Variants in KIF6 observed in about 807,000 individuals in gnomAD.
KIF6 encodes the protein kinesin family member 6.
In KIF6, 106 loss-of-function variants were observed where a neutral mutation model predicts 112.7. The observed-to-expected ratio is 0.94, with a 90% CI of 0.80 to 1.11. The LOEUF (loss-of-function observed/expected upper bound fraction) is 1.11, where lower values mean the gene tolerates loss of function less well. KIF6 is among the 50% of genes least tolerant of loss of function. The pLI is 0.00. For synonymous variants in KIF6, 339 were observed against 339.9 expected (o/e 1.00, Z 0.03); for missense variants, 929 against 964.0 (o/e 0.96, Z 0.48).
At chr6:39,703,294 G>A (rs562861181) in intron 3 of KIF6, among the ~76,000 whole-genome samples, 10 of 132,448 alleles carry the variant, frequency 7.6e-5, no homozygotes, top group Admixed American at 6.7e-4. Flanking sequence ...AATGCTGGGT[G>A]TGATAAAGCA....
chr6:39,446,636 G>A (rs543951190), intron 13 of KIF6, among the ~76,000 whole-genome samples: 3 of 152,220 alleles, frequency 2.0e-5, no homozygotes, highest in South Asian at 4.1e-4. Flanking sequence ...TGGGACTACA[G>A]GTGCCACCAG....
intron 6 of KIF6, 36 bp from the exon 7 acceptor site, chr6:39,596,296 A>C: frequency 7.3e-7 from 1 of 1,363,798 alleles, no homozygotes; most frequent in Non-Finnish European, 1.0e-6. Context: ...TTATTTGAAC[A>C]ATGAAAATTT....
In KIF6 at chr6:39,444,992, G is replaced by C. The variant is rs562417542; in HGVS notation, c.1646-13831C>G. ...GGAGCCGCATCACCTGAGAGCCCAGGGTCTGGGTTATGGAGCAGGGGAAAG... is the reference window on the plus strand; with the variant it reads ...GGAGCCGCATCACCTGAGAGCCCAGCGTCTGGGTTATGGAGCAGGGGAAAG... On this transcript the variant is annotated intron_variant, in intron 13 of 22. Transcript: ENST00000287152. 7.2e-5 allele frequency among the ~76,000 whole-genome samples: 11 copies of C among 152,280 alleles called. 1 individual carries two copies. The highest frequency in any genetic ancestry group is 2.0e-4 in the Admixed American group (3 of 15,300).
intron 15 of KIF6, among the ~76,000 whole-genome samples, chr6:39,410,775 C>CA (rs1232305734): frequency 6.6e-6 from 1 of 152,164 alleles, no homozygotes; most frequent in Non-Finnish European, 1.5e-5. Context: ...GCTGAACTAG[C>CA]AAAAAATCTT....
intron 13 of KIF6, among the ~76,000 whole-genome samples, chr6:39,518,741 T>C (rs9380874): frequency 0.45 from 68,204 of 152,066 alleles, 18,011 homozygotes; most frequent in African/African-American, 0.74. Context: ...CTTGGAATGA[T>C]CACTGTCTGA....
At chr6:39,639,553 AG>A in intron 4 of KIF6, 56 bp downstream of exon 4, 1 of 1,329,598 alleles carries the variant, frequency 7.5e-7, no homozygotes, top group Non-Finnish European at 1.0e-6. Context: ...TCCTGCTTTC[AG>A]TATATTTTTG....
chr6:39,712,324 G>GA (rs970402940), intron 3 of KIF6, among the ~76,000 whole-genome samples: 76 of 146,060 alleles, frequency 5.2e-4, no homozygotes, highest in African/African-American at 1.4e-3. Flanking sequence ...CTAATTTCAG[G>GA]AAAAAAAAAA....
rs1014749643 is a variant in KIF6, at chr6:39,357,502, G to T, written c.2083-128C>A. On this transcript the variant is annotated intron_variant, in intron 18 of 22. Transcript: ENST00000287152. Reference sequence around the variant, plus strand: ...CTCGCTCTGTTGCCCAGGCTGGAGTGCAGTGGCGCGATCTCAGCTCACTGC... The same window carrying T: ...CTCGCTCTGTTGCCCAGGCTGGAGTTCAGTGGCGCGATCTCAGCTCACTGC... The T allele has an allele frequency of 7.0e-6, 4 of 572,150 alleles. No homozygotes were observed. In the Admixed American group the frequency reaches 9.3e-5, roughly 13 times the overall value. 35.4% of individuals were successfully genotyped at this position (572,150 alleles called of 1,614,324 possible).
At chr6:39,423,532 C>G (rs1174690712) in intron 14 of KIF6, among the ~76,000 whole-genome samples, 1 of 151,898 alleles carries the variant, frequency 6.6e-6, no homozygotes, top group East Asian at 1.9e-4. Context: ...CAACTGTCAT[C>G]TCTCAAATCT....
In KIF6 at chr6:39,716,514, T is replaced by C. The variant is rs567886408; in HGVS notation, c.177-1748A>G. On this transcript the variant is annotated intron_variant, in intron 2 of 22. Coordinates refer to ENST00000287152, the MANE Select transcript of KIF6 (RefSeq NM_145027.6). ...TTGCATTTTATACAATATAGTTGCATAGTAATCTGAAAAGGCATTTTGATC... is the reference window on the plus strand; with the variant it reads ...TTGCATTTTATACAATATAGTTGCACAGTAATCTGAAAAGGCATTTTGATC... Among the ~76,000 whole-genome samples, 38 of 152,308 alleles carry C rather than the reference T, an allele frequency of 2.5e-4. 1 individual carries two copies. Among genetic ancestry groups the C allele is most frequent in the Non-Finnish European group, 5.1e-4 (35 of 68,030 alleles).
At chr6:39,461,213 C>T (rs768115954) in intron 13 of KIF6, among the ~76,000 whole-genome samples, 2 of 152,090 alleles carry the variant, frequency 1.3e-5, no homozygotes, top group Non-Finnish European at 2.9e-5. Context: ...AATCATAGGT[C>T]TATAATGACA....
chr6:39,343,957 T>C lies in KIF6; in HGVS notation c.2322-142A>G, dbSNP rs1763510237. The C allele has an allele frequency of 1.1e-5, 6 of 560,026 alleles. No homozygotes were observed. The highest frequency in any genetic ancestry group is 3.2e-6 in the Non-Finnish European group (1 of 316,866). The allele number at this position is 560,026 out of a possible 1,614,324, so 34.7% of individuals were successfully genotyped here. The stretch of plus-strand genomic sequence containing the variant: ...GGCTGGCCTGCTTCTCACTCCCTCC[T>C]ACCTTCTCTGTGTGGCAGCCACACT... On this transcript the variant is annotated intron_variant, in intron 21 of 22. Coordinates refer to ENST00000287152, the MANE Select transcript of KIF6 (RefSeq NM_145027.6). This position sits in a 1 kb window ranked among gnomAD's most constrained non-coding sequence, Gnocchi z 4.1.
chr6:39,665,238 G>C (rs1313270964), intron 3 of KIF6, among the ~76,000 whole-genome samples: 3 of 152,136 alleles, frequency 2.0e-5, no homozygotes, highest in Non-Finnish European at 4.4e-5. Flanking sequence ...AAAATCTCGA[G>C]AAATTTTATC....
intron 15 of KIF6, among the ~76,000 whole-genome samples, chr6:39,394,672 A>G (rs1768127238): frequency 6.6e-6 from 1 of 152,236 alleles, no homozygotes; most frequent in African/African-American, 2.4e-5. Flanking sequence ...CCAGCAATGG[A>G]ACATACAGTG....
At chr6:39,594,829 TTTC>T (rs1359859009) in intron 7 of KIF6, among the ~76,000 whole-genome samples, 1 of 152,146 alleles carries the variant, frequency 6.6e-6, no homozygotes, top group Non-Finnish European at 1.5e-5. Flanking sequence ...TTTGATCATG[TTTC>T]TTATTTTTTA....
intron 16 of KIF6, among the ~76,000 whole-genome samples, chr6:39,376,036 A>G (rs1766416335): frequency 6.6e-6 from 1 of 152,142 alleles, no homozygotes; most frequent in South Asian, 2.1e-4. Context: ...CTCTCCCTTG[A>G]GCATGGAAAT....
chr6:39,463,043 G>A (rs1379058130), intron 13 of KIF6, among the ~76,000 whole-genome samples: 1 of 152,120 alleles, frequency 6.6e-6, no homozygotes. Context: ...CAACAGCTAA[G>A]ACAACAGCTA....
intron 5 of KIF6, among the ~76,000 whole-genome samples, chr6:39,628,130 T>C (rs577514027): frequency 2.3e-4 from 35 of 152,244 alleles, no homozygotes; most frequent in African/African-American, 8.4e-4. Flanking sequence ...TTGCCCAGTT[T>C]TTCCCAATTG....
At chr6:39,564,127 CT>C (rs1287251668) in intron 10 of KIF6, among the ~76,000 whole-genome samples, 2 of 152,150 alleles carry the variant, frequency 1.3e-5, no homozygotes. Context: ...GTTGACTGAT[CT>C]GGAAAGCACA....
Sources: gnomAD v4.1 joint callset for allele counts (sites outside exome capture counted in the v4.1 genomes callset) on GRCh38, gnomAD v4.1.1 for gene constraint, Gnocchi (gnomAD v3.1) non-coding constraint, MANE v1.5 for transcripts, NCBI Gene and HGNC (gene_info 2026-07-23, HGNC 2026-07-21) for gene names.